Variants in TMEM33 observed in about 807,000 individuals in gnomAD.
The protein encoded by TMEM33 is transmembrane protein 33.
Under a neutral mutation model 29.7 loss-of-function variants are expected in TMEM33, and 16 were observed. The ratio of observed to expected loss-of-function variants is 0.54; its 90% CI spans 0.36 to 0.82. TMEM33 has a LOEUF of 0.82. Among genes scored for constraint, TMEM33 ranks in the 40% least tolerant of loss-of-function variants. The pLI, the probability that TMEM33 is intolerant of heterozygous loss-of-function variation, is 0.00. For synonymous variants in TMEM33, 112 were observed against 109.4 expected (o/e 1.02, Z -0.15); for missense variants, 252 against 295.3 (o/e 0.85, Z 1.08).
intron 3 of TMEM33, chr4:41,939,826 C>G: frequency 2.2e-6 from 1 of 456,014 alleles, no homozygotes; most frequent in Non-Finnish European, 4.4e-6. Context: ...CTTATTTAAG[C>G]AGGTAATGAG....
chr4:41,942,388 C>T (rs1262955953), intron 3 of TMEM33, among the ~76,000 whole-genome samples: 1 of 152,094 alleles, frequency 6.6e-6, no homozygotes, highest in Non-Finnish European at 1.5e-5. Flanking sequence ...AGTTAGGGTT[C>T]TTCTAATACT....
Position 41,954,315 on chromosome 4 carries a change from C to A in TMEM33, c.*116C>A. 9.4e-7 allele frequency: 1 copy of A among 1,062,374 alleles called. No homozygotes were observed. The highest frequency in any genetic ancestry group is 1.3e-6 in the Non-Finnish European group (1 of 766,556). The allele number at this position is 1,062,374 out of a possible 1,614,324, so 65.8% of individuals were successfully genotyped here. A position where few individuals can be genotyped will look rare whatever the true frequency, so the allele number is the denominator to read the frequency against. On this transcript the variant is annotated 3_prime_UTR_variant, in exon 7 of 7. Transcript: ENST00000504986. ...ACCTCAATCCAATTTACATAATTTA[C>A]ATAAATGCATCTCGGTGGAAAAATA...
At chr4:41,947,014 G>T in intron 5 of TMEM33, among the ~76,000 whole-genome samples, 1 of 152,146 alleles carries the variant, frequency 6.6e-6, no homozygotes, top group Admixed American at 6.5e-5. Flanking sequence ...AAAGCTGGCA[G>T]AGCATGAGGT....
intron 3 of TMEM33, among the ~76,000 whole-genome samples, chr4:41,940,607 A>C (rs1437414513): frequency 6.6e-5 from 10 of 151,978 alleles, no homozygotes; most frequent in Non-Finnish European, 1.2e-4. Context: ...CAGGAGATTG[A>C]GACCATCCTG....
At chr4:41,936,695 G>A (rs934660584) in intron 1 of TMEM33, among the ~76,000 whole-genome samples, 2 of 152,166 alleles carry the variant, frequency 1.3e-5, no homozygotes, top group Non-Finnish European at 2.9e-5. Flanking sequence ...ATCTCAGAAA[G>A]CATGCATTCA....
rs570511657 is a variant in TMEM33, at chr4:41,949,112, T to C, written c.531-190T>C. On this transcript the variant is annotated intron_variant, in intron 5 of 6. Coordinates refer to ENST00000504986, the MANE Select transcript of TMEM33 (RefSeq NM_018126.3). ...ATAAAAAAATTAAACAACATTTTAC[T>C]CTTTACCAATCATGTACATTCTTTT... Among the ~76,000 whole-genome samples, 20 of 152,270 alleles carry C rather than the reference T, an allele frequency of 1.3e-4. No homozygotes were observed. In the South Asian group the frequency reaches 3.9e-3, roughly 30 times the overall value.
chr4:41,945,203 T>G (rs1174876217), intron 5 of TMEM33, among the ~76,000 whole-genome samples: 1 of 152,254 alleles, frequency 6.6e-6, no homozygotes, highest in Non-Finnish European at 1.5e-5. Flanking sequence ...TGAAATCTAA[T>G]CTAGTCCAGT....
At chr4:41,944,702 G>A in intron 4 of TMEM33, 91 bp from the exon 5 acceptor site, 1 of 1,431,178 alleles carries the variant, frequency 7.0e-7, no homozygotes, top group Non-Finnish European at 9.5e-7. Flanking sequence ...TGGTTGTATT[G>A]CCTGTTGGAT....
At chr4:41,939,105 G>A (rs1712390500) in intron 2 of TMEM33, 91 bp from the exon 3 acceptor site, 2 of 1,264,202 alleles carry the variant, frequency 1.6e-6, no homozygotes, top group Admixed American at 2.7e-5. Context: ...AGTGATTTAG[G>A]TGTTGTGCAA....
At chr4:41,944,956 G>T (rs762417593) in intron 5 of TMEM33, 30 bp downstream of exon 5, 2 of 1,604,766 alleles carry the variant, frequency 1.2e-6, no homozygotes, top group South Asian at 2.2e-5. Flanking sequence ...GTTTTGGGAG[G>T]CTGATGACTG....
At position 41,959,651 on chromosome 4, in the gene TMEM33, T is replaced by C. The variant is rs1713401883; in HGVS notation, c.*5452T>C. ...TGACAGTTTAATTCCAAATATTTAC[T>C]ATTTTCTCTTGTAACTGTTAGAACA... On this transcript the variant is annotated 3_prime_UTR_variant, in exon 7 of 7. Coordinates refer to ENST00000504986, the MANE Select transcript of TMEM33 (RefSeq NM_018126.3). 1 of 152,240 alleles carries C rather than the reference T, an allele frequency of 6.6e-6. No homozygotes were observed. The allele number at this position is 152,240 out of a possible 1,614,324, so 9.4% of individuals were successfully genotyped here.
intron 6 of TMEM33, among the ~76,000 whole-genome samples, chr4:41,950,539 A>C (rs1712995795): frequency 6.6e-6 from 1 of 152,040 alleles, no homozygotes; most frequent in Non-Finnish European, 1.5e-5. Context: ...TTACTAGTTC[A>C]TTTTCATTAT....
upstream of TMEM33, chr4:41,935,189 G>A (rs2153126022): frequency 7.4e-6 from 4 of 537,242 alleles, no homozygotes; most frequent in East Asian, 6.7e-5. Flanking sequence ...GGCTCTTTAG[G>A]GCTTCACCCC....
chr4:41,939,192 G>A lies in TMEM33; in HGVS notation c.141-4G>A, dbSNP rs1712395692. 1 of 1,589,658 alleles carries A rather than the reference G, an allele frequency of 6.3e-7. No homozygotes were observed. The highest frequency in any genetic ancestry group is 8.5e-7 in the Non-Finnish European group (1 of 1,171,674). ...ATGATAACCTCTCCTCTGGTAATTT[G>A]CAGGTTGCATGAAGCAGCAAGCTTT... On this transcript the variant is annotated splice_region_variant and splice_polypyrimidine_tract_variant and intron_variant, in intron 2 of 6. Coordinates refer to ENST00000504986, the MANE Select transcript of TMEM33 (RefSeq NM_018126.3).
chr4:41,948,536 A>G (rs1004806515), intron 5 of TMEM33, among the ~76,000 whole-genome samples: 2 of 152,096 alleles, frequency 1.3e-5, no homozygotes, highest in Non-Finnish European at 2.9e-5. Context: ...TGGCATCTTA[A>G]TATATTTCTT....
intron 3 of TMEM33, among the ~76,000 whole-genome samples, chr4:41,942,331 G>A (rs1409150349): frequency 6.6e-6 from 1 of 152,132 alleles, no homozygotes. Flanking sequence ...CTTGTTAGAG[G>A]TGGGAATGAG....
At chr4:41,941,388 G>T (rs1481673890) in intron 3 of TMEM33, among the ~76,000 whole-genome samples, 2 of 152,198 alleles carry the variant, frequency 1.3e-5, no homozygotes, top group Non-Finnish European at 2.9e-5. Context: ...TTTTGGTCAT[G>T]CCTTTTAGTA....
At chr4:41,939,496 C>T (rs1401715306) in intron 3 of TMEM33, 113 bp downstream of exon 3, 2 of 1,117,826 alleles carry the variant, frequency 1.8e-6, no homozygotes, top group Non-Finnish European at 2.6e-6. Context: ...GTTCTCGGCA[C>T]TTCATTTGAA....
In TMEM33 at chr4:41,955,183, A is replaced by T. The variant is rs912986185; in HGVS notation, c.*984A>T. On this transcript the variant is annotated 3_prime_UTR_variant, in exon 7 of 7. Coordinates refer to ENST00000504986, the MANE Select transcript of TMEM33 (RefSeq NM_018126.3). ...AGAGTATACTGTAGATTACATGTTT[A>T]CCCATCAAATCTGACTTAAAAGGTT... is the stretch of plus-strand genomic sequence containing the variant. The T allele has an allele frequency of 6.6e-6, 1 of 152,490 alleles. No individual in the cohort carries two copies. Among genetic ancestry groups the T allele is most frequent in the South Asian group, 2.1e-4 (1 of 4,824 alleles). 9.4% of individuals were successfully genotyped at this position (152,490 alleles called of 1,614,324 possible). A position where few individuals can be genotyped will look rare whatever the true frequency, so the allele number is the denominator to read the frequency against.
Sources: gnomAD v4.1 joint callset for allele counts (sites outside exome capture counted in the v4.1 genomes callset) on GRCh38, gnomAD v4.1.1 for gene constraint, MANE v1.5 for transcripts, NCBI Gene and HGNC (gene_info 2026-07-23, HGNC 2026-07-21) for gene names.